The following SGCD variants were observed in gnomAD, a reference collection of about 807,000 sequenced individuals.
SGCD encodes the protein delta-sarcoglycan.
A neutral mutation model predicts 36.6 loss-of-function variants in SGCD; 18 were observed. The ratio of observed to expected loss-of-function variants is 0.49; its 90% CI spans 0.34 to 0.73. SGCD has a LOEUF of 0.73. Ranked by LOEUF, SGCD falls within the 30% of genes least tolerant of loss-of-function variation. The pLI, the probability that SGCD is intolerant of heterozygous loss-of-function variation, is 0.01. For synonymous variants in SGCD, 133 were observed against 130.6 expected, an observed-to-expected ratio of 1.02 and a Z score of -0.12; for missense variants, 387 against 346.7, an observed-to-expected ratio of 1.12 and a Z score of -0.92.
At chr5:155,791,121 G>A in the SGCD span, among the ~76,000 whole-genome samples, 55 of 152,224 alleles carry the variant, frequency 3.6e-4, no homozygotes, top group African/African-American at 1.3e-3. Context: ...CAATTTCAGA[G>A]ACAAGAAAAC....
At chr5:155,766,165 T>G in the SGCD span, among the ~76,000 whole-genome samples, 1 of 152,050 alleles carries the variant, frequency 6.6e-6, no homozygotes, top group East Asian at 1.9e-4. Context: ...TCATGAGAGA[T>G]AGAGGGTGCA....
chr5:155,762,993 G>A, the SGCD span, among the ~76,000 whole-genome samples: 2 of 152,138 alleles, frequency 1.3e-5, no homozygotes, highest in African/African-American at 4.8e-5. Context: ...TGACATTCTG[G>A]TCTTGGATCA....
Position 156,653,493 on chromosome 5 carries a change from CTT to C in SGCD, c.575+5971_575+5972del, listed in dbSNP as rs111458843. Among the ~76,000 whole-genome samples the C allele has an allele frequency of 3.7e-3, 176 of 48,082 alleles. 24 individuals carry two copies. Among genetic ancestry groups the C allele is most frequent in the African/African-American group, 9.2e-3 (144 of 15,578 alleles). The allele number at this position is 48,082 out of a possible 152,430, so 31.5% of individuals were successfully genotyped here. A position where few individuals can be genotyped will look rare whatever the true frequency, so the allele number is the denominator to read the frequency against. ...TTTTCTTACGTAATTCTAAAGCTTGCTTTTTTTTTTTTTTTGCCCCTGTTGTT... is the reference window on the plus strand; with the variant it reads ...TTTTCTTACGTAATTCTAAAGCTTGCTTTTTTTTTTTTTGCCCCTGTTGTT... On this transcript the variant is annotated intron_variant, in intron 7 of 8. Coordinates refer to ENST00000337851, the MANE Select transcript of SGCD (RefSeq NM_000337.6).
chr5:155,768,042 A>G, the SGCD span, among the ~76,000 whole-genome samples: 1 of 152,144 alleles, frequency 6.6e-6, no homozygotes, highest in South Asian at 2.1e-4. Flanking sequence ...TGTACTTCTT[A>G]AAATCTTCCA....
chr5:156,508,910 A>T (rs950401947), intron 4 of SGCD, among the ~76,000 whole-genome samples: 1 of 152,176 alleles, frequency 6.6e-6, no homozygotes, highest in Non-Finnish European at 1.5e-5. Flanking sequence ...GCCTCTTTCC[A>T]TTCCTGCTCA....
chr5:156,007,152 G>T (rs577174835), intron 1 of SGCD, among the ~76,000 whole-genome samples: 2 of 152,170 alleles, frequency 1.3e-5, no homozygotes, highest in African/African-American at 2.4e-5. Context: ...TTCGGTAAAG[G>T]GTTGACCCCT....
intron 2 of SGCD, among the ~76,000 whole-genome samples, chr5:156,344,114 C>G (rs1768815543): frequency 6.6e-6 from 1 of 152,136 alleles, no homozygotes; most frequent in South Asian, 2.1e-4. Context: ...CTGGGGTTAC[C>G]TTATTTTCTT....
intron 1 of SGCD, among the ~76,000 whole-genome samples, chr5:155,912,017 C>T (rs190817521): frequency 5.9e-5 from 9 of 152,028 alleles, no homozygotes; most frequent in African/African-American, 2.2e-4. Flanking sequence ...ACACTTTCCT[C>T]TTTCCAGGTG....
chr5:156,724,133 A>G (rs533916033), intron 7 of SGCD, among the ~76,000 whole-genome samples: 10 of 152,198 alleles, frequency 6.6e-5, no homozygotes, highest in Non-Finnish European at 1.5e-4. Flanking sequence ...GAGAGCACGA[A>G]GACTGTAGAA....
intron 3 of SGCD, among the ~76,000 whole-genome samples, chr5:156,181,913 GA>G (rs1763617838): frequency 6.6e-6 from 1 of 152,202 alleles, no homozygotes. Context: ...ATCTGTGACT[GA>G]GCATGTCATA....
At position 156,083,590 on chromosome 5, in the gene SGCD, C is replaced by T. The variant is rs1393153484; in HGVS notation, c.-281-34288C>T. Among the ~76,000 whole-genome samples the T allele has an allele frequency of 5.6e-5, 8 of 141,806 alleles. No homozygotes were observed. The East Asian group carries it at 6.6e-4, about 12-fold the overall frequency. 93.0% of individuals were successfully genotyped at this position (141,806 alleles called of 152,430 possible). A position where few individuals can be genotyped will look rare whatever the true frequency, so the allele number is the denominator to read the frequency against. Reference sequence around the variant, plus strand: ...AATTACAGGTATGAGCCACTGCACCCGGCCCATTTTTTTTTTTTTTTCCTT... The same window carrying T: ...AATTACAGGTATGAGCCACTGCACCTGGCCCATTTTTTTTTTTTTTTCCTT... On this transcript the variant is annotated intron_variant, in intron 1 of 9. Transcript: ENST00000517913.
intron 3 of SGCD, among the ~76,000 whole-genome samples, chr5:156,174,484 A>G (rs1763419223): frequency 6.6e-6 from 1 of 152,188 alleles, no homozygotes; most frequent in Non-Finnish European, 1.5e-5. Flanking sequence ...AAGCAGGGCC[A>G]CCTGTGCTGC....
intron 7 of SGCD, among the ~76,000 whole-genome samples, chr5:156,679,623 A>T (rs1287847807): frequency 1.3e-5 from 2 of 152,228 alleles, no homozygotes; most frequent in African/African-American, 4.8e-5. Flanking sequence ...AAGACTACTT[A>T]CATATGGCTC....
the SGCD span, among the ~76,000 whole-genome samples, chr5:155,804,556 C>T: frequency 9.2e-5 from 14 of 152,302 alleles, no homozygotes; most frequent in Non-Finnish European, 1.8e-4. Context: ...CCAGCTTCTC[C>T]AGGAAGTCAT....
At chr5:156,007,111 C>T (rs1439579284) in intron 1 of SGCD, among the ~76,000 whole-genome samples, 1 of 152,196 alleles carries the variant, frequency 6.6e-6, no homozygotes, top group African/African-American at 2.4e-5. Context: ...CTGGTCTATT[C>T]CGCAGGATCC....
intron 3 of SGCD, among the ~76,000 whole-genome samples, chr5:156,272,268 G>C (rs1474181009): frequency 2.6e-5 from 4 of 152,162 alleles, no homozygotes; most frequent in African/African-American, 9.6e-5. Context: ...GAGAACATGT[G>C]ATATTTGGTT....
At chr5:155,952,992 T>C (rs2113434292) in intron 1 of SGCD, among the ~76,000 whole-genome samples, 1 of 152,326 alleles carries the variant, frequency 6.6e-6, no homozygotes, top group African/African-American at 2.4e-5. Context: ...TTAGAAACAC[T>C]GAAAGATAAT....
chr5:156,557,231 G>A (rs1759064972), intron 4 of SGCD, among the ~76,000 whole-genome samples: 2 of 152,288 alleles, frequency 1.3e-5, no homozygotes, highest in African/African-American at 4.8e-5. Flanking sequence ...AGCTGAAGAT[G>A]TTGAAGACTC....
intron 1 of SGCD, among the ~76,000 whole-genome samples, chr5:155,954,579 T>TTG (rs1554106857): frequency 6.6e-6 from 1 of 150,586 alleles, no homozygotes; most frequent in African/African-American, 2.5e-5. Context: ...TTTTTTTTTT[T>TTG]GGGTTAAATG....
Sources: gnomAD v4.1 joint callset for allele counts (sites outside exome capture counted in the v4.1 genomes callset) on GRCh38, gnomAD v4.1.1 for gene constraint, MANE v1.5 for transcripts, NCBI Gene and HGNC (gene_info 2026-07-23, HGNC 2026-07-21) for gene names.